CDKAL1: variants seen among roughly 807,000 people sequenced by gnomAD.
CDKAL1 encodes CDKAL1 threonylcarbamoyladenosine tRNA methylthiotransferase.
A neutral mutation model predicts 68.2 loss-of-function variants in CDKAL1; 32 were observed. That is an observed-to-expected ratio of 0.47 (90% CI 0.35 to 0.63). The LOEUF (loss-of-function observed/expected upper bound fraction) is 0.63. Ranked by LOEUF, CDKAL1 falls within the 30% of genes least tolerant of loss-of-function variation. CDKAL1 has a pLI of 0.00. For synonymous variants in CDKAL1, 234 were observed against 244.3 expected (o/e 0.96, Z 0.39); for missense variants, 606 against 696.7 (o/e 0.87, Z 1.47).
chr6:21,206,387 TTAC>T, intron 15 of CDKAL1, among the ~76,000 whole-genome samples: 1 of 152,308 alleles, frequency 6.6e-6, no homozygotes, highest in Middle Eastern at 3.4e-3. Context: ...AATGTGAACA[TTAC>T]TGCTGTCTGT....
chr6:20,921,628 C>T (rs961897368), intron 9 of CDKAL1, among the ~76,000 whole-genome samples: 1 of 152,142 alleles, frequency 6.6e-6, no homozygotes, highest in Non-Finnish European at 1.5e-5. Flanking sequence ...TGTGGTGCAT[C>T]CTAGTTTCTA....
chr6:20,723,806 G>A (rs749802776), intron 5 of CDKAL1, among the ~76,000 whole-genome samples: 14 of 152,190 alleles, frequency 9.2e-5, no homozygotes, highest in Non-Finnish European at 1.9e-4. Flanking sequence ...AGCTTTGAAG[G>A]AAGTTCATTT....
chr6:21,003,371 T>TATATATATATATATACACACAC, intron 11 of CDKAL1, among the ~76,000 whole-genome samples: 2 of 49,304 alleles, frequency 4.1e-5, no homozygotes, highest in Non-Finnish European at 6.9e-5. Flanking sequence ...TATATATATA[T>TATATATATATATATACACACAC]ACACACACAC....
chr6:20,903,728 TTG>T (rs1275574820), intron 9 of CDKAL1, among the ~76,000 whole-genome samples: 1 of 152,110 alleles, frequency 6.6e-6, no homozygotes, highest in Non-Finnish European at 1.5e-5. Flanking sequence ...CGGAGCAGAG[TTG>T]GGCTTGCTTT....
At chr6:20,798,751 C>T (rs141847336) in intron 8 of CDKAL1, among the ~76,000 whole-genome samples, 1,052 of 96,466 alleles carry the variant, frequency 0.011, 19 homozygotes, top group African/African-American at 0.04. Flanking sequence ...CATCACACAA[C>T]GGGGCCTGTA....
chr6:21,020,281 C>T (rs1478308976), intron 11 of CDKAL1, among the ~76,000 whole-genome samples: 3 of 151,952 alleles, frequency 2.0e-5, no homozygotes, highest in South Asian at 2.1e-4. Context: ...TCTGGTTTTC[C>T]GTGGCACCAC....
At chr6:20,883,774 T>C (rs1760936305) in intron 9 of CDKAL1, among the ~76,000 whole-genome samples, 1 of 152,194 alleles carries the variant, frequency 6.6e-6, no homozygotes, top group Non-Finnish European at 1.5e-5. Flanking sequence ...TTCAACTTTT[T>C]CTGTATATTT....
At chr6:20,933,139 A>T (rs951260607) in intron 9 of CDKAL1, among the ~76,000 whole-genome samples, 1 of 152,212 alleles carries the variant, frequency 6.6e-6, no homozygotes, top group Non-Finnish European at 1.5e-5. Context: ...GGAAGCCACC[A>T]TTAGCAGTGT....
chr6:20,904,824 T>C (rs560323604), intron 9 of CDKAL1, among the ~76,000 whole-genome samples: 11 of 151,644 alleles, frequency 7.3e-5, no homozygotes, highest in East Asian at 3.9e-4. Flanking sequence ...AGTCACTACA[T>C]GTGGCCAGGA....
intron 9 of CDKAL1, among the ~76,000 whole-genome samples, chr6:20,927,581 C>T (rs1432019691): frequency 6.6e-6 from 1 of 152,080 alleles, no homozygotes; most frequent in African/African-American, 2.4e-5. Context: ...AACCTTTGAC[C>T]TGCGGTGGAC....
chr6:20,834,758 G>C (rs890573212), intron 8 of CDKAL1, among the ~76,000 whole-genome samples: 3 of 152,122 alleles, frequency 2.0e-5, no homozygotes, highest in African/African-American at 7.2e-5. Context: ...TGAAATTTAA[G>C]GCATTAGCTT....
At chr6:21,203,455 C>G (rs558168780) in intron 15 of CDKAL1, among the ~76,000 whole-genome samples, 4 of 151,018 alleles carry the variant, frequency 2.6e-5, no homozygotes, top group East Asian at 2.0e-4. Context: ...AGGCTGGTCT[C>G]GAACCCCTGA....
At chr6:20,838,271 T>G (rs1778039128) in intron 8 of CDKAL1, among the ~76,000 whole-genome samples, 2 of 152,164 alleles carry the variant, frequency 1.3e-5, no homozygotes, top group Non-Finnish European at 2.9e-5. Flanking sequence ...TATAGTTGTG[T>G]TCACAGTTCC....
chr6:20,782,134 G>A (rs893126393), intron 8 of CDKAL1, among the ~76,000 whole-genome samples: 1 of 152,136 alleles, frequency 6.6e-6, no homozygotes, highest in African/African-American at 2.4e-5. Context: ...CTTCCTCCAG[G>A]ACAGTGGCGG....
chr6:21,223,965 C>T (rs1779632442), intron 15 of CDKAL1, among the ~76,000 whole-genome samples: 1 of 152,172 alleles, frequency 6.6e-6, no homozygotes, highest in South Asian at 2.1e-4. Context: ...CTCCTAGAGG[C>T]GCCCTATCCC....
At chr6:20,752,491 A>C (rs973326624) in intron 6 of CDKAL1, among the ~76,000 whole-genome samples, 2 of 152,158 alleles carry the variant, frequency 1.3e-5, no homozygotes, top group African/African-American at 4.8e-5. Context: ...GCATGCACAC[A>C]TGTACACACA....
intron 11 of CDKAL1, among the ~76,000 whole-genome samples, chr6:21,003,343 A>AATATATATATATATACATATATATATAT (rs1554159045): frequency 9.9e-5 from 4 of 40,440 alleles, no homozygotes; most frequent in African/African-American, 2.7e-4. Context: ...ATCTCTACTA[A>AATATATATATATATACATATATATATAT]ATATATATAT....
chr6:20,795,495 T>G (rs1257547990), intron 8 of CDKAL1, among the ~76,000 whole-genome samples: 1 of 152,204 alleles, frequency 6.6e-6, no homozygotes, highest in Non-Finnish European at 1.5e-5. Context: ...TTTTCTGCAG[T>G]GCATAATTCT....
intron 15 of CDKAL1, among the ~76,000 whole-genome samples, chr6:21,214,801 T>G (rs1172894490): frequency 6.6e-6 from 1 of 152,190 alleles, no homozygotes; most frequent in Non-Finnish European, 1.5e-5. Flanking sequence ...GAGACTTTAC[T>G]TCATTCACCT....
Sources: gnomAD v4.1 joint callset for allele counts (sites outside exome capture counted in the v4.1 genomes callset) on GRCh38, gnomAD v4.1.1 for gene constraint, MANE v1.5 for transcripts, NCBI Gene and HGNC (gene_info 2026-07-23, HGNC 2026-07-21) for gene names.